The following SIMC1 variants were observed in gnomAD, a reference collection of about 807,000 sequenced individuals.
The protein encoded by SIMC1 is SUMO interacting motifs containing 1, also known as SUMO-interacting motif-containing protein 1.
SIMC1 carries 55 observed loss-of-function variants against 82.3 expected under a neutral mutation model. That is an observed-to-expected ratio of 0.67 (90% CI 0.54 to 0.84). The LOEUF (loss-of-function observed/expected upper bound fraction) is 0.84. Ranked by LOEUF, SIMC1 falls within the 40% of genes least tolerant of loss-of-function variation. The pLI, the probability that SIMC1 is intolerant of heterozygous loss-of-function variation, is 0.00. For missense variants in SIMC1, 915 were observed against 1,107.2 expected (o/e 0.83, Z 2.46); for synonymous variants, 353 against 426.3 (o/e 0.83, Z 2.12).
chr5:176,292,168 A>G (rs1410224571), intron 2 of SIMC1, among the ~76,000 whole-genome samples: 2 of 152,232 alleles, frequency 1.3e-5, no homozygotes, highest in Non-Finnish European at 1.5e-5. Flanking sequence ...TGGGCCTCCA[A>G]AATTATTACT....
In SIMC1 at chr5:176,322,391, T is replaced by C. The variant is rs748869578; in HGVS notation, c.2008T>C (p.Ser670Pro). The C allele has an allele frequency of 6.2e-7, 1 of 1,609,472 alleles. No homozygotes were observed. Among genetic ancestry groups the C allele is most frequent in the Non-Finnish European group, 8.5e-7 (1 of 1,178,034 alleles). Residue 670 changes from serine to proline, a missense_variant, in exon 6 of 10, where the codon TCC becomes CCC. Transcript: ENST00000429602. ...ILKASSSHPSSQPNLTKNTNQ... is the reference protein window; with the variant it reads ...ILKASSSHPSPQPNLTKNTNQ... The stretch of plus-strand genomic sequence containing the variant: ...GAAAGCCAGCAGTAGCCACCCTTCT[T>C]CCCAGCCCAACCTGACAAAGAACAC...
chr5:176,289,566 C>T, intron 1 of SIMC1, 88 bp from the exon 2 acceptor site: 1 of 1,040,840 alleles, frequency 9.6e-7, no homozygotes, highest in East Asian at 2.6e-5. Context: ...TAAAGTAATG[C>T]TTATCCTTAA....
At chr5:176,253,518 C>G (rs1463843397) in intron 1 of SIMC1, among the ~76,000 whole-genome samples, 1 of 152,088 alleles carries the variant, frequency 6.6e-6, no homozygotes, top group Non-Finnish European at 1.5e-5. Context: ...CTGGAAATAG[C>G]TCAGTTTTGA....
At chr5:176,311,431 T>G (rs906066743) in intron 4 of SIMC1, among the ~76,000 whole-genome samples, 4 of 151,788 alleles carry the variant, frequency 2.6e-5, no homozygotes, top group African/African-American at 9.7e-5. Flanking sequence ...TTTGTAGAGA[T>G]GGGGGTCTCA....
chr5:176,287,516 A>G (rs1483834302), intron 1 of SIMC1, among the ~76,000 whole-genome samples: 1 of 152,168 alleles, frequency 6.6e-6, no homozygotes, highest in East Asian at 1.9e-4. Context: ...GCATTAGGAG[A>G]TATATCTAAT....
rs561786399 is a variant in SIMC1, at chr5:176,321,458, C to T, written c.1890-815C>T. On this transcript the variant is annotated intron_variant, in intron 5 of 9. Coordinates refer to ENST00000429602, the MANE Select transcript of SIMC1 (RefSeq NM_001308195.2). ...CTCTGCCTAAAAAAAAAAAAAAACT[C>T]ACTGCTATTCATCTTCTCTCCTCTT... Among the ~76,000 whole-genome samples the T allele has an allele frequency of 2.6e-5, 4 of 151,228 alleles. No homozygotes were observed. In the South Asian group the frequency reaches 6.3e-4, roughly 24 times the overall value.
intron 4 of SIMC1, among the ~76,000 whole-genome samples, chr5:176,312,071 G>A (rs984364193): frequency 2.0e-5 from 3 of 152,164 alleles, no homozygotes; most frequent in Non-Finnish European, 2.9e-5. Flanking sequence ...ATAGCAGAAA[G>A]CAATAGATAA....
chr5:176,309,355 A>T (rs1357308051), intron 4 of SIMC1, among the ~76,000 whole-genome samples: 1 of 152,238 alleles, frequency 6.6e-6, no homozygotes, highest in African/African-American at 2.4e-5. Context: ...TAAACCTCAC[A>T]TCTTATATAA....
chr5:176,260,806 A>G (rs1761988151), intron 1 of SIMC1, among the ~76,000 whole-genome samples: 1 of 152,162 alleles, frequency 6.6e-6, no homozygotes, highest in East Asian at 1.9e-4. Context: ...ACTTCTGTGT[A>G]AAGAAGCAGA....
At position 176,281,750 on chromosome 5, in the gene SIMC1, G is replaced by A. The variant is rs192915958; in HGVS notation, c.130-7904G>A. Among the ~76,000 whole-genome samples, 198 of 152,240 alleles carry A rather than the reference G, an allele frequency of 1.3e-3. 1 individual carries two copies. The highest frequency in any genetic ancestry group is 4.6e-3 in the African/African-American group (189 of 41,526). On this transcript the variant is annotated intron_variant, in intron 1 of 9. Coordinates refer to ENST00000429602, the MANE Select transcript of SIMC1 (RefSeq NM_001308195.2). ...GTTGTCTCCAGAACAGTGGTTTTTCGTGAACCGCGAATGCTGCCGTCTGAT... is the reference window on the plus strand; with the variant it reads ...GTTGTCTCCAGAACAGTGGTTTTTCATGAACCGCGAATGCTGCCGTCTGAT...
Position 176,313,851 on chromosome 5 carries a change from CAGCCACCTG to C in SIMC1, c.1889+11_1889+19del. 1 of 1,613,126 alleles carries C rather than the reference CAGCCACCTG, an allele frequency of 6.2e-7. No homozygotes were observed. Among genetic ancestry groups the C allele is most frequent in the Non-Finnish European group, 8.5e-7 (1 of 1,179,830 alleles). ...AAGCAGCCCCACAATGTCAGGTAAG[CAGCCACCTG>C]AGCCCTCGGATGAGAAGAGGTAAGG... On this transcript the variant is annotated splice_region_variant and intron_variant, in intron 5 of 9. Coordinates refer to ENST00000429602, the MANE Select transcript of SIMC1 (RefSeq NM_001308195.2).
intron 2 of SIMC1, among the ~76,000 whole-genome samples, chr5:176,294,501 A>C (rs1434315601): frequency 1.3e-5 from 2 of 148,936 alleles, no homozygotes; most frequent in East Asian, 3.9e-4. Context: ...CTGCTCTCGA[A>C]CTCCTGACCT....
rs1763020244 is a variant in SIMC1 at position 176,281,772 on chromosome 5, T to C, written c.130-7882T>C. Among the ~76,000 whole-genome samples, 3 of 152,220 alleles carry C rather than the reference T, an allele frequency of 2.0e-5. No homozygotes were observed. In the South Asian group the frequency reaches 6.2e-4, roughly 32 times the overall value. On this transcript the variant is annotated intron_variant, in intron 1 of 9. Transcript: ENST00000429602. ...TTCGTGAACCGCGAATGCTGCCGTC[T>C]GATCGTTCCTCTGGAAGTTTTGTCT...
chr5:176,286,076 A>G (rs560012493), intron 1 of SIMC1, among the ~76,000 whole-genome samples: 3 of 152,400 alleles, frequency 2.0e-5, no homozygotes, highest in African/African-American at 7.2e-5. Context: ...TAATTTATAG[A>G]TTCAATGCCA....
chr5:176,335,540 A>C (rs1357855213), intron 7 of SIMC1, among the ~76,000 whole-genome samples: 1 of 151,212 alleles, frequency 6.6e-6, no homozygotes, highest in African/African-American at 2.4e-5. Context: ...GGCCTCCCAA[A>C]GTGCTAGGAT....
rs1479434665 is a variant in SIMC1 at position 176,289,642 on chromosome 5, A to G, written c.130-12A>G. On this transcript the variant is annotated splice_polypyrimidine_tract_variant and intron_variant, in intron 1 of 9. Coordinates refer to ENST00000429602, the MANE Select transcript of SIMC1 (RefSeq NM_001308195.2). ...CATCTTGACCTCTTTTCTTCACACA[A>G]TCCTTCAACAGGACTTCATTGACTT... 3 of 1,564,716 alleles carry G rather than the reference A, an allele frequency of 1.9e-6. No homozygotes were observed. Among genetic ancestry groups the G allele is most frequent in the Non-Finnish European group, 2.6e-6 (3 of 1,155,792 alleles).
rs759328159 is a variant in SIMC1 at position 176,294,980 on chromosome 5, AAAAAAAG to A, written c.1432-45_1432-39del. 3.9e-6 allele frequency: 6 copies of A among 1,535,062 alleles called. No individual in the cohort carries two copies. In the East Asian group the frequency reaches 1.4e-4, roughly 36 times the overall value. On this transcript the variant is annotated intron_variant, in intron 2 of 9. Coordinates refer to ENST00000429602, the MANE Select transcript of SIMC1 (RefSeq NM_001308195.2). ...ACTCCGTCTCAAAAAAAAAAAAAAAAAAAAAAGAAAAGAAATCCCTCCTAATTTCCTT... is the reference window on the plus strand; with the variant it reads ...ACTCCGTCTCAAAAAAAAAAAAAAAAAAAAGAAATCCCTCCTAATTTCCTT...
rs1765208297 is a variant in SIMC1 at position 176,322,433 on chromosome 5, G to C, written c.2042+8G>C. 1 of 1,605,402 alleles carries C rather than the reference G, an allele frequency of 6.2e-7. No individual in the cohort carries two copies. Among genetic ancestry groups the C allele is most frequent in the Admixed American group, 1.7e-5 (1 of 58,662 alleles). ...AAAGAACACCAATCAGCTGTAAGGGGCAGGCAGTTCTCTTTCCTGGGGCTC... is the reference window on the plus strand; with the variant it reads ...AAAGAACACCAATCAGCTGTAAGGGCCAGGCAGTTCTCTTTCCTGGGGCTC... On this transcript the variant is annotated splice_region_variant and intron_variant, in intron 6 of 9. Coordinates refer to ENST00000429602, the MANE Select transcript of SIMC1 (RefSeq NM_001308195.2).
At chr5:176,338,659 A>G (rs942295511) in intron 9 of SIMC1, among the ~76,000 whole-genome samples, 15 of 152,254 alleles carry the variant, frequency 9.9e-5, no homozygotes, top group Non-Finnish European at 2.1e-4. Context: ...ATAGTGAGGG[A>G]AAAAAGTATA....
Sources: allele counts gnomAD v4.1 joint callset (sites outside exome capture counted in the v4.1 genomes callset), GRCh38; gene constraint gnomAD v4.1.1; transcripts MANE v1.5; gene names NCBI Gene and HGNC (gene_info 2026-07-23, HGNC 2026-07-21).